Variants in RPS6KA2 observed in about 807,000 individuals in gnomAD.
The protein encoded by RPS6KA2 is ribosomal protein S6 kinase alpha-2.
A neutral mutation model predicts 91.8 loss-of-function variants in RPS6KA2; 42 were observed. That is an observed-to-expected ratio of 0.46 (90% CI 0.36 to 0.59). RPS6KA2 has a LOEUF of 0.59. RPS6KA2 is among the 20% of genes least tolerant of loss of function. The pLI, the probability that RPS6KA2 is intolerant of heterozygous loss-of-function variation, is 0.00. For missense variants in RPS6KA2, 798 were observed against 978.5 expected, an observed-to-expected ratio of 0.82 and a Z score of 2.46; for synonymous variants, 414 against 393.6, an observed-to-expected ratio of 1.05 and a Z score of -0.61.
At chr6:166,842,313 G>C (rs902340804) in intron 2 of RPS6KA2, among the ~76,000 whole-genome samples, 2 of 152,198 alleles carry the variant, frequency 1.3e-5, no homozygotes, top group African/African-American at 4.8e-5. Context: ...AAGTCGCCAG[G>C]GTGGCCCTGA....
chr6:166,701,423 T>G, intron 2 of RPS6KA2: 1 of 1,251,248 alleles, frequency 8.0e-7, no homozygotes, highest in Non-Finnish European at 1.2e-6. Flanking sequence ...TTTTCCATAA[T>G]TCTTCCCTGA....
chr6:166,695,280 C>T (rs1004576092), intron 2 of RPS6KA2, among the ~76,000 whole-genome samples: 2 of 152,090 alleles, frequency 1.3e-5, no homozygotes, highest in Admixed American at 6.6e-5. Flanking sequence ...CAGAGCAGCC[C>T]GCTTGAAGAA....
rs1203717778 is a variant in RPS6KA2 at position 166,852,604 on chromosome 6, A to G, written c.123+5596T>C. 6.6e-6 allele frequency among the ~76,000 whole-genome samples: 1 copy of G among 151,968 alleles called. No homozygotes were observed. The highest frequency in any genetic ancestry group is 1.5e-5 in the Non-Finnish European group (1 of 67,982). On this transcript the variant is annotated intron_variant, in intron 2 of 21. Transcript: ENST00000503859. The surrounding 1 kb of genome is among the most constrained non-coding windows in gnomAD (Gnocchi z 4.1). ...TCTTTCACCCTTTCTGCCTGTTGCCACGAGTCTCTTCCTGACCCTTTTCCT... is the reference window on the plus strand; with the variant it reads ...TCTTTCACCCTTTCTGCCTGTTGCCGCGAGTCTCTTCCTGACCCTTTTCCT...
chr6:166,517,620 C>T (rs1002318887), intron 3 of RPS6KA2, among the ~76,000 whole-genome samples: 13 of 151,550 alleles, frequency 8.6e-5, no homozygotes, highest in Admixed American at 2.6e-4. Flanking sequence ...GGACTACAGG[C>T]GCCCGCCACC....
chr6:166,527,743 A>T (rs1583242891), intron 3 of RPS6KA2, among the ~76,000 whole-genome samples: 1 of 152,104 alleles, frequency 6.6e-6, no homozygotes, highest in East Asian at 1.9e-4. Context: ...GAAACCACTC[A>T]TCTACTTCCT....
At chr6:166,842,754 A>G (rs1780517039) in intron 2 of RPS6KA2, among the ~76,000 whole-genome samples, 1 of 152,184 alleles carries the variant, frequency 6.6e-6, no homozygotes, top group Admixed American at 6.5e-5. Context: ...GACAGGGAAA[A>G]TGGAGATTAA....
intron 1 of RPS6KA2, among the ~76,000 whole-genome samples, chr6:166,573,111 T>G (rs1194107830): frequency 6.6e-6 from 1 of 152,124 alleles, no homozygotes; most frequent in Admixed American, 6.5e-5. Context: ...GATGGCCCGG[T>G]GCAGGGAGGG....
At chr6:166,661,332 T>C (rs1437969485) in intron 2 of RPS6KA2, among the ~76,000 whole-genome samples, 1 of 152,188 alleles carries the variant, frequency 6.6e-6, no homozygotes, top group Non-Finnish European at 1.5e-5. Context: ...ACTCCTAAAC[T>C]CAGGCGATCC....
intron 2 of RPS6KA2, among the ~76,000 whole-genome samples, chr6:166,794,645 C>T (rs1172589299): frequency 1.3e-5 from 2 of 150,346 alleles, no homozygotes; most frequent in Non-Finnish European, 3.0e-5. Flanking sequence ...GAAAATGTGG[C>T]ACATATACAC....
At chr6:166,797,872 C>A (rs4709130) in intron 2 of RPS6KA2, among the ~76,000 whole-genome samples, 1 of 151,960 alleles carries the variant, frequency 6.6e-6, no homozygotes, top group Admixed American at 6.6e-5. Context: ...TCCAGACAGG[C>A]CAGAACTTGA....
In RPS6KA2 at chr6:166,450,998, C is replaced by T. The variant is rs376484890; in HGVS notation, c.1206+105G>A. The T allele has an allele frequency of 2.7e-5, 37 of 1,385,462 alleles. 1 individual carries two copies. In the Middle Eastern group the frequency reaches 5.4e-4, roughly 20 times the overall value. The allele number at this position is 1,385,462 out of a possible 1,614,324, so 85.8% of individuals were successfully genotyped here. A position where few individuals can be genotyped will look rare whatever the true frequency, so the allele number is the denominator to read the frequency against. On this transcript the variant is annotated intron_variant, in intron 13 of 20. Coordinates refer to ENST00000265678, the MANE Select transcript of RPS6KA2 (RefSeq NM_021135.6). Reference sequence around the variant, plus strand: ...GAATTGGTGATTAAAGTCCACCCATCCTAAGCACCCAACCCCCGGGTGACT... The same window carrying T: ...GAATTGGTGATTAAAGTCCACCCATTCTAAGCACCCAACCCCCGGGTGACT...
At chr6:166,693,594 C>T (rs1350858164) in intron 2 of RPS6KA2, among the ~76,000 whole-genome samples, 1 of 152,176 alleles carries the variant, frequency 6.6e-6, no homozygotes, top group African/African-American at 2.4e-5. Flanking sequence ...AGGGTACACT[C>T]AATTTGTTCA....
At chr6:166,760,355 G>A (rs887892685) in intron 2 of RPS6KA2, among the ~76,000 whole-genome samples, 1 of 152,240 alleles carries the variant, frequency 6.6e-6, no homozygotes, top group Non-Finnish European at 1.5e-5. Flanking sequence ...AGGATATATT[G>A]AGCTGGTCTA....
At chr6:166,675,608 C>T (rs766510734) in intron 2 of RPS6KA2, among the ~76,000 whole-genome samples, 5 of 152,024 alleles carry the variant, frequency 3.3e-5, no homozygotes, top group Non-Finnish European at 7.4e-5. Flanking sequence ...CCTTCCTTCT[C>T]GGTGGGTTAA....
chr6:166,822,505 G>A (rs190651486), intron 2 of RPS6KA2, among the ~76,000 whole-genome samples: 1 of 152,310 alleles, frequency 6.6e-6, no homozygotes, highest in East Asian at 1.9e-4. Flanking sequence ...AGCCTCCGGA[G>A]CTACAAGGAA....
At chr6:166,529,732 C>A (rs1345637032) in intron 3 of RPS6KA2, among the ~76,000 whole-genome samples, 2 of 152,186 alleles carry the variant, frequency 1.3e-5, no homozygotes, top group African/African-American at 4.8e-5. Flanking sequence ...TATATCTAGG[C>A]CTTGTTTCTA....
intron 2 of RPS6KA2, among the ~76,000 whole-genome samples, chr6:166,705,643 G>C (rs1789660171): frequency 6.6e-6 from 1 of 152,176 alleles, no homozygotes; most frequent in South Asian, 2.1e-4. Context: ...AAATAAATTA[G>C]TGGTATAAGA....
rs574764764 is a variant in RPS6KA2, at chr6:166,729,051, G to C, written c.123+129149C>G. Among the ~76,000 whole-genome samples, 7 of 152,334 alleles carry C rather than the reference G, an allele frequency of 4.6e-5. 1 individual carries two copies. The East Asian group carries it at 1.3e-3, about 29-fold the overall frequency. On this transcript the variant is annotated intron_variant, in intron 2 of 21. Transcript: ENST00000503859. ...ACATGGAGTGCTCCCCTGCGGAAGG[G>C]CCACCCCACAGCAGGTGTGCCAGCA...
chr6:166,802,946 A>G (rs201536995), intron 2 of RPS6KA2, among the ~76,000 whole-genome samples: 4,726 of 137,674 alleles, frequency 0.034, 212 homozygotes, highest in African/African-American at 0.11. Context: ...GTGTGTGTGT[A>G]TATATATATA....
Sources: gnomAD v4.1 joint callset for allele counts (sites outside exome capture counted in the v4.1 genomes callset) on GRCh38, gnomAD v4.1.1 for gene constraint, Gnocchi (gnomAD v3.1) non-coding constraint, MANE v1.5 for transcripts, NCBI Gene and HGNC (gene_info 2026-07-23, HGNC 2026-07-21) for gene names.